Variants in SAMM50 observed in about 807,000 individuals in gnomAD.
SAMM50 encodes the protein sorting and assembly machinery component 50 homolog.
Under a neutral mutation model 66.9 loss-of-function variants are expected in SAMM50, and 47 were observed. The ratio of observed to expected loss-of-function variants is 0.70; its 90% CI spans 0.56 to 0.90. The LOEUF is 0.90. Ranked by LOEUF, SAMM50 falls within the 40% of genes least tolerant of loss-of-function variation. The pLI is 0.00. For synonymous variants in SAMM50, 191 were observed against 214.1 expected, an observed-to-expected ratio of 0.89 and a Z score of 0.94; for missense variants, 535 against 595.3, an observed-to-expected ratio of 0.90 and a Z score of 1.05.
chr22:43,982,941 G>A (rs1310355040), intron 11 of SAMM50, among the ~76,000 whole-genome samples: 6 of 152,292 alleles, frequency 3.9e-5, no homozygotes, highest in African/African-American at 1.4e-4. Context: ...TGGCCTGATT[G>A]ATCATTTCTT....
chr22:43,959,221 G>A (rs1289088771), intron 1 of SAMM50, among the ~76,000 whole-genome samples: 1 of 151,908 alleles, frequency 6.6e-6, no homozygotes, highest in Non-Finnish European at 1.5e-5. Context: ...GTTTCACCAT[G>A]TTGTCCAGGC....
rs375404348 is a variant in SAMM50, at chr22:43,966,074, A to G, written c.234+1521A>G. ...CAGGCTGATCTGGAACTCCTGGCAC[A>G]AGGGGTCCTCCCAACTTGGCCTTCC... On this transcript the variant is annotated intron_variant, in intron 3 of 14. Coordinates refer to ENST00000350028, the MANE Select transcript of SAMM50 (RefSeq NM_015380.5). Among the ~76,000 whole-genome samples the G allele has an allele frequency of 5.9e-5, 9 of 152,200 alleles. No individual in the cohort carries two copies. In the South Asian group the frequency reaches 1.5e-3, roughly 25 times the overall value.
chr22:43,974,996 C>G (rs573839330), intron 7 of SAMM50: 9 of 152,206 alleles, frequency 5.9e-5, no homozygotes, highest in Non-Finnish European at 1.2e-4. Flanking sequence ...CGCCGGCAGC[C>G]CTGAAGCTGA....
chr22:43,973,001 A>G lies in SAMM50; in HGVS notation c.560A>G (p.Asn187Ser), dbSNP rs1211528069. The G allele has an allele frequency of 6.3e-7, 1 of 1,588,014 alleles. No individual in the cohort carries two copies. The highest frequency in any genetic ancestry group is 1.4e-5 in the African/African-American group (1 of 72,762). ...CCACGGCCCGGAAACTTCGAAAGAA[A>G]GTAGGAAGCCCAACAGATCATTGAG... Reference protein sequence around the residue: ...FKPRPGNFERNFSVNLYKVTG... With the variant: ...FKPRPGNFERSFSVNLYKVTG... Residue 187 changes from asparagine to serine, a missense_variant and splice_region_variant, in exon 6 of 15, where the codon AAT becomes AGT. Asn to Ser is a conservative substitution (Grantham distance 46). Transcript: ENST00000350028.
At chr22:43,958,958 A>G (rs916550438) in intron 1 of SAMM50, among the ~76,000 whole-genome samples, 1 of 152,094 alleles carries the variant, frequency 6.6e-6, no homozygotes, top group Non-Finnish European at 1.5e-5. Context: ...TGCTTATGTC[A>G]AACAAAATTT....
intron 12 of SAMM50, among the ~76,000 whole-genome samples, chr22:43,985,768 C>G (rs966510836): frequency 3.3e-5 from 5 of 152,034 alleles, no homozygotes; most frequent in Admixed American, 2.0e-4. Context: ...GCACGCCTCC[C>G]CTTTGTAAGG....
At position 43,955,501 on chromosome 22, in the gene SAMM50, A is replaced by G. The variant is rs1187520684; in HGVS notation, c.-77A>G. 2.0e-6 allele frequency: 3 copies of G among 1,527,870 alleles called. No homozygotes were observed. Among genetic ancestry groups the G allele is most frequent in the Non-Finnish European group, 2.7e-6 (3 of 1,125,890 alleles). The allele number at this position is 1,527,870 out of a possible 1,614,324, so 94.6% of individuals were successfully genotyped here. On this transcript the variant is annotated 5_prime_UTR_variant, in exon 1 of 15. Transcript: ENST00000350028. ...TTGACCTGCAGCTCCGCCACCGCGG[A>G]CCCGCCTTCTGCCCTCAGCAGCAGA... is the stretch of plus-strand genomic sequence containing the variant.
chr22:43,973,114 C>T, intron 6 of SAMM50, 113 bp downstream of exon 6: 19 of 1,405,358 alleles, frequency 1.4e-5, no homozygotes, highest in Non-Finnish European at 1.9e-5. Context: ...GCAGTGACCA[C>T]ATGCTGTAGA....
intron 2 of SAMM50, among the ~76,000 whole-genome samples, chr22:43,963,751 T>C (rs2050159010): frequency 6.6e-6 from 1 of 152,208 alleles, no homozygotes; most frequent in African/African-American, 2.4e-5. Flanking sequence ...CCTAAATTTA[T>C]TACCTTTGAA....
chr22:43,967,237 G>T (rs1452929997), intron 3 of SAMM50, among the ~76,000 whole-genome samples: 3 of 152,162 alleles, frequency 2.0e-5, no homozygotes, highest in Admixed American at 1.3e-4. Context: ...GCTCCTCTGT[G>T]TTGAGCTGTA....
intron 7 of SAMM50, among the ~76,000 whole-genome samples, chr22:43,974,251 T>C (rs2050219673): frequency 6.6e-6 from 1 of 151,800 alleles, no homozygotes; most frequent in Admixed American, 6.6e-5. Context: ...CCAGGAAGCT[T>C]TAAGTGTGCT....
Position 43,996,473 on chromosome 22 carries a change from ATTCT to A in SAMM50, c.*93_*96del. 1 of 1,216,908 alleles carries A rather than the reference ATTCT, an allele frequency of 8.2e-7. No homozygotes were observed. Among genetic ancestry groups the A allele is most frequent in the Non-Finnish European group, 1.2e-6 (1 of 818,392 alleles). 75.4% of individuals were successfully genotyped at this position (1,216,908 alleles called of 1,614,324 possible). A position where few individuals can be genotyped will look rare whatever the true frequency, so the allele number is the denominator to read the frequency against. On this transcript the variant is annotated 3_prime_UTR_variant, in exon 15 of 15. Coordinates refer to ENST00000350028, the MANE Select transcript of SAMM50 (RefSeq NM_015380.5). Reference sequence around the variant, plus strand: ...TCTCTCGAGGAAACGCGGTTCAGCGATTCTTTGACTGCGGACCCTGTGGGAAACC... The same window carrying A: ...TCTCTCGAGGAAACGCGGTTCAGCGATTGACTGCGGACCCTGTGGGAAACC...
chr22:43,973,629 G>A (rs2050215797), intron 7 of SAMM50, among the ~76,000 whole-genome samples: 1 of 152,150 alleles, frequency 6.6e-6, no homozygotes, highest in Admixed American at 6.5e-5. Flanking sequence ...CAGATCACTG[G>A]AAGGTTTCTT....
At chr22:43,972,404 G>A (rs2050208534) in intron 5 of SAMM50, 62 bp downstream of exon 5, 1 of 918,068 alleles carries the variant, frequency 1.1e-6, no homozygotes, top group Non-Finnish European at 1.6e-6. Flanking sequence ...TTTACACTAT[G>A]ACTGCATTCT....
intron 1 of SAMM50, among the ~76,000 whole-genome samples, chr22:43,960,733 G>GA (rs2050143678): frequency 6.6e-6 from 1 of 151,668 alleles, no homozygotes; most frequent in African/African-American, 2.4e-5. Context: ...TGTCTCAAAA[G>GA]AAAAAAAGAA....
At chr22:43,995,723 G>GA (rs1443443544) in intron 14 of SAMM50, among the ~76,000 whole-genome samples, 1 of 152,236 alleles carries the variant, frequency 6.6e-6, no homozygotes, top group East Asian at 1.9e-4. Context: ...GCTCCTCTCT[G>GA]AAAATGGGTC....
chr22:43,965,943 A>G (rs897659554), intron 3 of SAMM50, among the ~76,000 whole-genome samples: 3 of 152,094 alleles, frequency 2.0e-5, no homozygotes, highest in Non-Finnish European at 2.9e-5. Context: ...GGTTCAAGCA[A>G]TCCTCCCACC....
In SAMM50 at chr22:43,968,755, C is replaced by A; in HGVS notation, c.259C>A (p.Arg87Ser). Residue 87 changes from arginine (R) to serine (S), a missense_variant, in exon 4 of 15, where the codon CGT becomes AGT. By Grantham distance (110) the Arg-to-Ser change is moderately radical (BLOSUM62 -1). Transcript: ENST00000350028. Reference protein sequence around the residue: ...IEVMRKSHEAREKLLRLGIFR... With the variant: ...IEVMRKSHEASEKLLRLGIFR... ...GGTAATGCGGAAATCTCATGAAGCC[C>A]GTGAAAAATTGCTCCGTCTTGGAAT... The A allele has an allele frequency of 1.2e-6, 2 of 1,612,612 alleles. No homozygotes were observed. The highest frequency in any genetic ancestry group is 1.7e-6 in the Non-Finnish European group (2 of 1,178,660).
Position 43,976,091 on chromosome 22 carries a change from G to T in SAMM50, c.685G>T (p.Glu229Ter). The change falls in exon 8 of 15, where the codon GAA (glutamate) becomes TAA (stop). Residue 229 changes from glutamate to a stop codon, truncating the protein, a stop_gained. Coordinates refer to ENST00000350028, the MANE Select transcript of SAMM50 (RefSeq NM_015380.5). LOFTEE classifies it high-confidence loss of function. ...IWKTSHTVKW[E>*]GVWRELGCLS... ...GAAGACCAGCCACACTGTCAAGTGGGAAGGCGTATGGCGAGAACTGGGCTG... is the reference window on the plus strand; with the variant it reads ...GAAGACCAGCCACACTGTCAAGTGGTAAGGCGTATGGCGAGAACTGGGCTG... 6.2e-7 allele frequency: 1 copy of T among 1,612,748 alleles called. No individual in the cohort carries two copies. Among genetic ancestry groups the T allele is most frequent in the Non-Finnish European group, 8.5e-7 (1 of 1,178,814 alleles).
Sources: allele counts gnomAD v4.1 joint callset (sites outside exome capture counted in the v4.1 genomes callset), GRCh38; gene constraint gnomAD v4.1.1; transcripts MANE v1.5; gene names NCBI Gene and HGNC (gene_info 2026-07-23, HGNC 2026-07-21).